Variants in BAZ1A observed in about 807,000 individuals in gnomAD.
The protein encoded by BAZ1A is bromodomain adjacent to zinc finger domain 1A.
BAZ1A carries 50 observed loss-of-function variants against 185.2 expected under a neutral mutation model. That is an observed-to-expected ratio of 0.27 (90% CI 0.22 to 0.34). The LOEUF is 0.34. BAZ1A is among the 10% of genes least tolerant of loss of function. The probability of loss-of-function intolerance (pLI) is 1.00; values close to 1 mark genes in which losing one functional copy is unlikely to be tolerated. For synonymous variants in BAZ1A, 571 were observed against 615.6 expected, an observed-to-expected ratio of 0.93 and a Z score of 1.07; for missense variants, 1,356 against 1,839.9, an observed-to-expected ratio of 0.74 and a Z score of 4.81.
In BAZ1A at chr14:34,777,130, A is replaced by C. The variant is rs544987080; in HGVS notation, c.2237-615T>G. 4.6e-5 allele frequency among the ~76,000 whole-genome samples: 7 copies of C among 152,310 alleles called. No homozygotes were observed. The South Asian group carries it at 1.5e-3, about 32-fold the overall frequency. The stretch of plus-strand genomic sequence containing the variant: ...TCTAAGGGAGGAATAACAGCAAACT[A>C]CTTCTGGAGAAGACTAGCTTATAAA... On this transcript the variant is annotated intron_variant, in intron 17 of 26. Transcript: ENST00000360310.
At chr14:34,865,989 A>G (rs1357100555) in intron 2 of BAZ1A, among the ~76,000 whole-genome samples, 1 of 151,502 alleles carries the variant, frequency 6.6e-6, no homozygotes, top group African/African-American at 2.4e-5. Flanking sequence ...GGAGTTCGAG[A>G]CCAGACTGCG....
At chr14:34,830,848 C>T (rs1290970639) in intron 3 of BAZ1A, among the ~76,000 whole-genome samples, 1 of 150,654 alleles carries the variant, frequency 6.6e-6, no homozygotes, top group Non-Finnish European at 1.5e-5. Flanking sequence ...TTCTGCCTCC[C>T]GGGTTCAACT....
chr14:34,824,338 C>T (rs1275533846), intron 4 of BAZ1A, among the ~76,000 whole-genome samples: 2 of 122,542 alleles, frequency 1.6e-5, no homozygotes, highest in Admixed American at 2.1e-4. Context: ...CTCACCACTG[C>T]ACTCTAGCCT....
Position 34,762,216 on chromosome 14 carries a change from T to G in BAZ1A, c.3784A>C (p.Lys1262Gln). The G allele has an allele frequency of 6.2e-7, 1 of 1,613,718 alleles. No homozygotes were observed. The part of the protein sequence containing the change: ...SQEEEEVSLP[K>Q]RGRPQVRLPV... Reference sequence around the variant, plus strand: ...AATCTAACTTGTGGTCTTCCTCGTTTGGGTAGGCTATAAATATTGTTAGAA... The same window carrying G: ...AATCTAACTTGTGGTCTTCCTCGTTGGGGTAGGCTATAAATATTGTTAGAA... The change falls in exon 24 of 27, where the codon AAA becomes CAA. Residue 1262 changes from lysine to glutamine, a missense_variant. Physicochemically the swap from Lys to Gln is moderately conservative, Grantham distance 53. Around this residue, in one of 7 missense-constraint regions of BAZ1A, gnomAD observed 309 missense variants for 355.3 expected, o/e 0.87. Transcript: ENST00000360310.
intron 4 of BAZ1A, among the ~76,000 whole-genome samples, chr14:34,821,579 T>G (rs910901685): frequency 6.6e-6 from 1 of 152,240 alleles, no homozygotes; most frequent in African/African-American, 2.4e-5. Context: ...ACCCTTCCTG[T>G]GGTATCTGAT....
rs1879952556 is a variant in BAZ1A at position 34,780,286 on chromosome 14, A to T, written c.2136T>A (p.Asp712Glu). 1 of 1,612,186 alleles carries T rather than the reference A, an allele frequency of 6.2e-7. No homozygotes were observed. Among genetic ancestry groups the T allele is most frequent in the South Asian group, 1.1e-5 (1 of 90,530 alleles). ...SIGEEEREDFDTSIESKDTEQ... is the reference protein window; with the variant it reads ...SIGEEEREDFETSIESKDTEQ... ...CTGTGTCTTTGCTCTCAATGCTAGT[A>T]TCAAAATCTTCCCTTTCTTCCTCCC... Residue 712 changes from aspartate (D) to glutamate (E), a missense_variant, in exon 17 of 27, where the codon GAT (aspartate) becomes GAA (glutamate). By Grantham distance (45) the Asp-to-Glu change is conservative. Transcript: ENST00000360310.
chr14:34,802,133 C>G (rs1029870325), intron 7 of BAZ1A, among the ~76,000 whole-genome samples: 2 of 152,014 alleles, frequency 1.3e-5, no homozygotes, highest in African/African-American at 2.4e-5. Flanking sequence ...AAAAGACATA[C>G]CAGAAAAATT....
At position 34,783,136 on chromosome 14, in the gene BAZ1A, C is replaced by T. The variant is rs757237864; in HGVS notation, c.2094G>A (p.Thr698=). 22 of 1,604,416 alleles carry T rather than the reference C, an allele frequency of 1.4e-5. No homozygotes were observed. In the East Asian group the frequency reaches 3.4e-4, roughly 24 times the overall value. The change falls in exon 16 of 27, where the codon ACG becomes ACA. Residue 698 remains threonine (T), a synonymous_variant. Coordinates refer to ENST00000360310, the MANE Select transcript of BAZ1A (RefSeq NM_013448.3). Reference sequence around the variant, plus strand: ...AACCATACCCAATAGATATATCTGCCGTTGAATTTCTTTGCTCATCTTCTT... The same window carrying T: ...AACCATACCCAATAGATATATCTGCTGTTGAATTTCTTTGCTCATCTTCTT... The part of the protein sequence containing the change: ...KLKEDEQRNS[T]ADISIGEEER...
intron 3 of BAZ1A, among the ~76,000 whole-genome samples, chr14:34,849,701 T>A (rs2042567739): frequency 6.6e-6 from 1 of 152,204 alleles, no homozygotes; most frequent in Non-Finnish European, 1.5e-5. Flanking sequence ...GTACTTCCAG[T>A]TCTGCAATGT....
chr14:34,872,913 T>TAAAAAA lies in BAZ1A; in HGVS notation c.113+1573_113+1578dup, dbSNP rs35955993. Among the ~76,000 whole-genome samples the TAAAAAA allele has an allele frequency of 7.4e-3, 566 of 76,156 alleles. 39 individuals are homozygous for TAAAAAA. The highest frequency in any genetic ancestry group is 0.037 in the Middle Eastern group (3 of 82). The allele number at this position is 76,156 out of a possible 152,430, so 50.0% of individuals were successfully genotyped here. On this transcript the variant is annotated intron_variant, in intron 2 of 26. Coordinates refer to ENST00000360310, the MANE Select transcript of BAZ1A (RefSeq NM_013448.3). ...AGCAAGGCCTGTAGCTTTAAAATCCTAAAAAAAAAAAAAAAAAAAAAAAAA... is the reference window on the plus strand; with the variant it reads ...AGCAAGGCCTGTAGCTTTAAAATCCTAAAAAAAAAAAAAAAAAAAAAAAAAAAAAAA...
intron 2 of BAZ1A, among the ~76,000 whole-genome samples, chr14:34,868,829 A>G (rs1473094629): frequency 6.6e-6 from 1 of 151,394 alleles, no homozygotes; most frequent in Non-Finnish European, 1.5e-5. Context: ...AGTACAATTC[A>G]GATAAAAACA....
At chr14:34,765,986 A>G (rs1878812100) in intron 21 of BAZ1A, among the ~76,000 whole-genome samples, 1 of 152,228 alleles carries the variant, frequency 6.6e-6, no homozygotes, top group South Asian at 2.1e-4. Context: ...ATCTGGTTCT[A>G]TAATACCATT....
chr14:34,821,045 C>T (rs757219357), intron 4 of BAZ1A, among the ~76,000 whole-genome samples: 11 of 152,130 alleles, frequency 7.2e-5, no homozygotes, highest in Non-Finnish European at 1.2e-4. Context: ...CTGGGTCTCC[C>T]GTCTCTCCAT....
rs766808457 is a variant in BAZ1A, at chr14:34,807,547, G to A, written c.639-9C>T. On this transcript the variant is annotated splice_polypyrimidine_tract_variant and intron_variant, in intron 5 of 26. Coordinates refer to ENST00000360310, the MANE Select transcript of BAZ1A (RefSeq NM_013448.3). ...ATAGGTGTTTTCTCCGGCTACAGGA[G>A]GCAAGGAAGTCAAAGAGGGGTAGTG... 6.2e-7 allele frequency: 1 copy of A among 1,605,512 alleles called. No homozygotes were observed. The highest frequency in any genetic ancestry group is 8.5e-7 in the Non-Finnish European group (1 of 1,173,804).
intron 6 of BAZ1A, among the ~76,000 whole-genome samples, chr14:34,804,485 A>G (rs143237046): frequency 2.0e-5 from 3 of 152,362 alleles, no homozygotes; most frequent in African/African-American, 4.8e-5. Flanking sequence ...ACAAAACAGA[A>G]AAGGGTATTT....
chr14:34,821,817 T>C (rs2042094592), intron 4 of BAZ1A, among the ~76,000 whole-genome samples: 2 of 151,718 alleles, frequency 1.3e-5, no homozygotes, highest in South Asian at 4.2e-4. Flanking sequence ...AAACCCCATT[T>C]CTATTAAAAA....
At position 34,800,363 on chromosome 14, in the gene BAZ1A, T is replaced by C. The variant is rs981531367; in HGVS notation, c.989A>G (p.Glu330Gly). The change falls in exon 9 of 27, where the codon GAA becomes GGA. Residue 330 changes from glutamate (E) to glycine (G), a missense_variant. Around this residue, in one of 7 missense-constraint regions of BAZ1A, gnomAD observed 332 missense variants for 395.3 expected, o/e 0.84. Coordinates refer to ENST00000360310, the MANE Select transcript of BAZ1A (RefSeq NM_013448.3). Reference protein sequence around the residue: ...LAFEKAKLKREKADALEAKKK... With the variant: ...LAFEKAKLKRGKADALEAKKK... ...CTTCGCTTCTAGGGCATCTGCTTTT[T>C]CTCTTTTTAATTTAGCCTTTTCAAA... 1 of 1,549,494 alleles carries C rather than the reference T, an allele frequency of 6.5e-7. No individual in the cohort carries two copies. The highest frequency in any genetic ancestry group is 2.3e-5 in the East Asian group (1 of 43,130).
Position 34,758,809 on chromosome 14 carries a change from G to A in BAZ1A, c.4281C>T (p.Gly1427=), listed in dbSNP as rs752172611. ...ACAATTCATGAACTCCTCCCTGTCG[G>A]CCAGAACTCCTTCGACCCAGTGTCA... is the stretch of plus-strand genomic sequence containing the variant. ...SPVTLGRRSS[G]RQGGVHELSA... is the part of the protein sequence containing the mutation. Residue 1427 remains glycine, a synonymous_variant, in exon 25 of 27, where the codon GGC becomes GGT. Transcript: ENST00000360310. 6.2e-7 allele frequency: 1 copy of A among 1,614,094 alleles called. No homozygotes were observed. Among genetic ancestry groups the A allele is most frequent in the South Asian group, 1.1e-5 (1 of 91,082 alleles).
intron 4 of BAZ1A, among the ~76,000 whole-genome samples, chr14:34,825,508 G>A (rs1294981119): frequency 7.0e-6 from 1 of 142,860 alleles, no homozygotes; most frequent in Non-Finnish European, 1.5e-5. Flanking sequence ...ATGACTGAAT[G>A]AGGCTCTTCA....
Sources: gnomAD v4.1 joint callset for allele counts (sites outside exome capture counted in the v4.1 genomes callset) on GRCh38, gnomAD v4.1.1 for gene constraint, gnomAD v4.1.1 regional missense constraint, MANE v1.5 for transcripts, NCBI Gene and HGNC (gene_info 2026-07-23, HGNC 2026-07-21) for gene names.